ECT2: variants seen among roughly 807,000 people sequenced by gnomAD.
ECT2 encodes the protein epithelial cell transforming 2.
Under a neutral mutation model 116.9 loss-of-function variants are expected in ECT2, and 61 were observed. The observed-to-expected ratio is 0.52, with a 90% CI of 0.42 to 0.65. The LOEUF (loss-of-function observed/expected upper bound fraction) is 0.65, where lower values mean the gene tolerates loss of function less well. ECT2 is among the 30% of genes least tolerant of loss of function. ECT2 has a pLI of 0.00. For synonymous variants in ECT2, 358 were observed against 346.4 expected, an observed-to-expected ratio of 1.03 and a Z score of -0.37; for missense variants, 937 against 1,078.7, an observed-to-expected ratio of 0.87 and a Z score of 1.84.
downstream of ECT2, among the ~76,000 whole-genome samples, chr3:172,823,135 A>T (rs1255491626): frequency 6.6e-6 from 1 of 152,150 alleles, no homozygotes; most frequent in Non-Finnish European, 1.5e-5. Context: ...AAAGGATGTG[A>T]ATTTTCATCA....
At chr3:172,779,489 A>G (rs1051552491) in intron 14 of ECT2, among the ~76,000 whole-genome samples, 9 of 152,186 alleles carry the variant, frequency 5.9e-5, no homozygotes, top group Non-Finnish European at 1.3e-4. Context: ...AGTTTTACCT[A>G]TGTGGATTTT....
In ECT2 at chr3:172,754,610, C is replaced by T. The variant is rs142626979; in HGVS notation, c.80C>T (p.Thr27Ile). 683 of 1,611,972 alleles carry T rather than the reference C, an allele frequency of 4.2e-4. 4 individuals carry two copies. The African/African-American group carries it at 8.4e-3, about 20-fold the overall frequency. ...TCTTCCATTTTTGATTCTAAAGTTA[C>T]TGAGATTTCCAAGGAAAACTTACTT... The part of the protein sequence containing the change: ...ADSSIFDSKV[T>I]EISKENLLIG... Residue 27 changes from threonine (T) to isoleucine (I), a missense_variant, in exon 2 of 25, where the codon ACT (threonine) becomes ATT (isoleucine). Transcript: ENST00000392692.
chr3:172,810,522 G>C (rs1209530361), intron 22 of ECT2, among the ~76,000 whole-genome samples: 3 of 152,086 alleles, frequency 2.0e-5, no homozygotes, highest in Non-Finnish European at 4.4e-5. Context: ...CATTTATTAG[G>C]CATACCTAGT....
intron 14 of ECT2, among the ~76,000 whole-genome samples, chr3:172,779,989 G>C (rs56681976): frequency 0.061 from 9,311 of 151,888 alleles, 961 homozygotes; most frequent in African/African-American, 0.21. Context: ...CACTCTAGGA[G>C]ATTTTCACTA....
chr3:172,777,566 C>A (rs894496269), intron 14 of ECT2, among the ~76,000 whole-genome samples: 2 of 151,974 alleles, frequency 1.3e-5, no homozygotes, highest in African/African-American at 4.8e-5. Context: ...ATGAATTTTT[C>A]TTTTTCAAGA....
intron 5 of ECT2, 82 bp downstream of exon 5, chr3:172,757,247 A>G: frequency 9.1e-7 from 1 of 1,094,260 alleles, no homozygotes; most frequent in Non-Finnish European, 1.2e-6. Flanking sequence ...TATTTGGAAA[A>G]ATCTCATTGA....
At position 172,773,996 on chromosome 3, in the gene ECT2, A is replaced by G; in HGVS notation, c.1522A>G (p.Ile508Val). ...GACTATTTTTGGTAGCATCCCAGATATCTTTGATGTACACACTAAGATAAA... is the reference window on the plus strand; with the variant it reads ...GACTATTTTTGGTAGCATCCCAGATGTCTTTGATGTACACACTAAGATAAA... The part of the protein sequence containing the change: ...IKTIFGSIPD[I>V]FDVHTKIKDD... The change falls in exon 14 of 25, where the codon ATC becomes GTC. Residue 508 changes from isoleucine (I) to valine (V), a missense_variant. Physicochemically the swap from Ile to Val is conservative, Grantham distance 29. Transcript: ENST00000392692. 4.3e-6 allele frequency: 7 copies of G among 1,612,832 alleles called. No homozygotes were observed. The highest frequency in any genetic ancestry group is 5.9e-6 in the Non-Finnish European group (7 of 1,178,862).
At chr3:172,759,606 T>C (rs1180760379) in intron 6 of ECT2, among the ~76,000 whole-genome samples, 2 of 152,090 alleles carry the variant, frequency 1.3e-5, no homozygotes, top group Non-Finnish European at 2.9e-5. Flanking sequence ...CACGCCTGGC[T>C]AATTTTTTTT....
At chr3:172,795,620 T>C (rs576140878) in intron 18 of ECT2, among the ~76,000 whole-genome samples, 153 of 152,266 alleles carry the variant, frequency 1.0e-3, no homozygotes, top group African/African-American at 3.6e-3. Context: ...TTAATAAAAA[T>C]AACAAAATAA....
chr3:172,799,815 T>C (rs1726390217), intron 18 of ECT2, among the ~76,000 whole-genome samples: 1 of 152,238 alleles, frequency 6.6e-6, no homozygotes, highest in African/African-American at 2.4e-5. Flanking sequence ...TTTTAAGCCT[T>C]GTTTTTATTG....
At chr3:172,753,081 T>C (rs1716242284) in intron 1 of ECT2, among the ~76,000 whole-genome samples, 1 of 152,134 alleles carries the variant, frequency 6.6e-6, no homozygotes, top group African/African-American at 2.4e-5. Context: ...TATTGAAAAT[T>C]GATAAAAAAA....
intron 1 of ECT2, among the ~76,000 whole-genome samples, chr3:172,753,675 G>A (rs1716382740): frequency 6.6e-6 from 1 of 152,210 alleles, no homozygotes. Flanking sequence ...GATAGGTGGA[G>A]AGTCGAGCAC....
chr3:172,794,559 G>T (rs1576980285), intron 18 of ECT2, among the ~76,000 whole-genome samples: 2 of 151,988 alleles, frequency 1.3e-5, no homozygotes, highest in East Asian at 3.8e-4. Flanking sequence ...TTCAAAATTG[G>T]TTTCACTATT....
chr3:172,828,998 C>T, the ECT2 span: 1 of 1,030,406 alleles, frequency 9.7e-7, no homozygotes, highest in Non-Finnish European at 1.5e-6. Flanking sequence ...TCCCAGGAGA[C>T]AACACTGGTC....
At chr3:172,807,317 T>C (rs924270619) in intron 21 of ECT2, among the ~76,000 whole-genome samples, 1 of 152,236 alleles carries the variant, frequency 6.6e-6, no homozygotes, top group Non-Finnish European at 1.5e-5. Flanking sequence ...TTTTTTCTAC[T>C]ATTTTCGGTC....
chr3:172,796,597 C>T (rs1030327436), intron 18 of ECT2: 9 of 152,158 alleles, frequency 5.9e-5, no homozygotes, highest in South Asian at 2.1e-4. Flanking sequence ...ACATTTCTTC[C>T]TGATATCTGT....
intron 22 of ECT2, among the ~76,000 whole-genome samples, chr3:172,810,749 C>T (rs1728623410): frequency 6.6e-6 from 1 of 152,020 alleles, no homozygotes; most frequent in East Asian, 1.9e-4. Flanking sequence ...GGTTAATTGG[C>T]TTAAGATGTC....
intron 6 of ECT2, among the ~76,000 whole-genome samples, chr3:172,759,473 G>C (rs1576845073): frequency 6.6e-6 from 1 of 151,890 alleles, no homozygotes; most frequent in East Asian, 1.9e-4. Flanking sequence ...GACAAGTCTT[G>C]CTCTGTCACC....
At chr3:172,789,007 G>A (rs1448366698) in intron 18 of ECT2, among the ~76,000 whole-genome samples, 11 of 145,462 alleles carry the variant, frequency 7.6e-5, no homozygotes, top group Non-Finnish European at 1.3e-4. Flanking sequence ...GCAGTGAGCT[G>A]AGATTGCGCC....
Sources: gnomAD v4.1 joint callset for allele counts (sites outside exome capture counted in the v4.1 genomes callset) on GRCh38, gnomAD v4.1.1 for gene constraint, MANE v1.5 for transcripts, NCBI Gene and HGNC (gene_info 2026-07-23, HGNC 2026-07-21) for gene names.